Variants in CERS6 observed in about 807,000 individuals in gnomAD.
CERS6 encodes the protein LAG1 homolog, ceramide synthase 6.
Under a neutral mutation model 56.8 loss-of-function variants are expected in CERS6, and 26 were observed. The observed-to-expected ratio is 0.46, with a 90% CI of 0.34 to 0.63. The LOEUF (loss-of-function observed/expected upper bound fraction) is 0.63. Among genes scored for constraint, CERS6 ranks in the 30% least tolerant of loss-of-function variants. CERS6 has a pLI of 0.01. For missense variants in CERS6, 415 were observed against 467.5 expected, an observed-to-expected ratio of 0.89 and a Z score of 1.04; for synonymous variants, 164 against 173.3, an observed-to-expected ratio of 0.95 and a Z score of 0.42.
chr2:168,519,838 G>A (rs1694947003), intron 1 of CERS6, among the ~76,000 whole-genome samples: 1 of 152,078 alleles, frequency 6.6e-6, no homozygotes. Context: ...CACTGTTGAT[G>A]GGCATCTGGG....
chr2:168,666,439 C>G (rs1044458024), intron 4 of CERS6, among the ~76,000 whole-genome samples: 1 of 152,196 alleles, frequency 6.6e-6, no homozygotes, highest in Non-Finnish European at 1.5e-5. Context: ...TGGCCTCTTT[C>G]ACTTAGTAGT....
intron 8 of CERS6, among the ~76,000 whole-genome samples, chr2:168,733,750 G>A (rs1488031130): frequency 6.6e-6 from 1 of 152,156 alleles, no homozygotes; most frequent in African/African-American, 2.4e-5. Context: ...CATGATGATG[G>A]TAGAGGAGCA....
chr2:168,497,421 GAAAA>G (rs1694492451), intron 1 of CERS6, among the ~76,000 whole-genome samples: 1 of 151,994 alleles, frequency 6.6e-6, no homozygotes, highest in African/African-American at 2.4e-5. Context: ...AGGAAAGAAA[GAAAA>G]GAAAGAAAGA....
intron 3 of CERS6, among the ~76,000 whole-genome samples, chr2:168,623,538 A>G (rs1033934430): frequency 5.3e-5 from 8 of 152,226 alleles, no homozygotes; most frequent in Non-Finnish European, 1.0e-4. Flanking sequence ...GGGACGAGAA[A>G]GAATTTTGTA....
intron 1 of CERS6, among the ~76,000 whole-genome samples, chr2:168,514,758 C>T (rs1694856383): frequency 6.6e-6 from 1 of 152,152 alleles, no homozygotes; most frequent in Admixed American, 6.5e-5. Context: ...AAAATGAGTC[C>T]ATTTCCAGTA....
intron 8 of CERS6, among the ~76,000 whole-genome samples, chr2:168,727,395 A>G (rs1291547952): frequency 6.6e-6 from 1 of 152,090 alleles, no homozygotes; most frequent in African/African-American, 2.4e-5. Context: ...CTAAAAATAC[A>G]TAAATTAGCC....
At chr2:168,538,695 T>A (rs916334700) in intron 1 of CERS6, among the ~76,000 whole-genome samples, 1 of 152,230 alleles carries the variant, frequency 6.6e-6, no homozygotes, top group African/African-American at 2.4e-5. Flanking sequence ...CACTGCAGCA[T>A]CCCCAACACC....
chr2:168,583,238 G>A (rs894865877), intron 3 of CERS6, among the ~76,000 whole-genome samples: 2 of 152,102 alleles, frequency 1.3e-5, no homozygotes, highest in African/African-American at 2.4e-5. Context: ...TGGGGAGGGC[G>A]TCGAGACAGG....
At chr2:168,561,011 G>T (rs771791504) in intron 2 of CERS6, among the ~76,000 whole-genome samples, 181 bp from the exon 3 acceptor site, 2 of 152,080 alleles carry the variant, frequency 1.3e-5, no homozygotes, top group African/African-American at 2.4e-5. Flanking sequence ...TGTCCTAGTG[G>T]TTATTTTTGT....
chr2:168,512,643 A>AT (rs1270659782), intron 1 of CERS6, among the ~76,000 whole-genome samples: 1 of 144,114 alleles, frequency 6.9e-6, no homozygotes, highest in Non-Finnish European at 1.5e-5. Flanking sequence ...CCAATTAATG[A>AT]TTTTTTTCTA....
At chr2:168,587,084 C>T (rs1683561602) in intron 3 of CERS6, among the ~76,000 whole-genome samples, 1 of 152,032 alleles carries the variant, frequency 6.6e-6, no homozygotes, top group Admixed American at 6.6e-5. Flanking sequence ...GGAGCTGAGG[C>T]ATGAGAGTCC....
At chr2:168,663,438 G>A (rs1017627808) in intron 4 of CERS6, among the ~76,000 whole-genome samples, 3 of 151,826 alleles carry the variant, frequency 2.0e-5, no homozygotes, top group Non-Finnish European at 4.4e-5. Flanking sequence ...TTGTAAAGAG[G>A]GGTCTCACTA....
intron 8 of CERS6, among the ~76,000 whole-genome samples, chr2:168,741,404 T>C (rs1374681109): frequency 6.7e-6 from 1 of 150,356 alleles, no homozygotes; most frequent in Non-Finnish European, 1.5e-5. Flanking sequence ...AAGACAAACT[T>C]AGCTAGAAAA....
At chr2:168,612,010 G>A (rs890429164) in intron 3 of CERS6, among the ~76,000 whole-genome samples, 2 of 152,192 alleles carry the variant, frequency 1.3e-5, no homozygotes, top group African/African-American at 2.4e-5. Context: ...TTGGGTGTAC[G>A]TCATAAGCCA....
At chr2:168,512,291 T>G (rs1694802879) in intron 1 of CERS6, among the ~76,000 whole-genome samples, 1 of 152,180 alleles carries the variant, frequency 6.6e-6, no homozygotes, top group Non-Finnish European at 1.5e-5. Flanking sequence ...GTGAATAATC[T>G]TAATATCACT....
At chr2:168,738,191 G>C (rs1683773024) in intron 8 of CERS6, among the ~76,000 whole-genome samples, 1 of 152,182 alleles carries the variant, frequency 6.6e-6, no homozygotes, top group Non-Finnish European at 1.5e-5. Context: ...TTCCCTCTGT[G>C]ACAAATGAAG....
chr2:168,769,827 A>T lies in CERS6; in HGVS notation c.*165A>T. ...CTGCCATGTGTCCTGTCTGTGAATG[A>T]AGAAGAATTACCATTCTCTCTTTGT... On this transcript the variant is annotated 3_prime_UTR_variant, in exon 10 of 10. Coordinates refer to ENST00000305747, the MANE Select transcript of CERS6 (RefSeq NM_203463.3). The T allele has an allele frequency of 4.7e-6, 3 of 643,848 alleles. No individual in the cohort carries two copies. Among genetic ancestry groups the T allele is most frequent in the Non-Finnish European group, 7.9e-6 (3 of 381,086 alleles). The allele number at this position is 643,848 out of a possible 1,614,324, so 39.9% of individuals were successfully genotyped here.
chr2:168,456,674 A>C lies in CERS6; in HGVS notation c.170+56A>C, dbSNP rs976171929. ...CCCCTGCGCACACACACGCGCGCACACACTCGCGCGCTCTCTGGCGCACGC... is the reference window on the plus strand; with the variant it reads ...CCCCTGCGCACACACACGCGCGCACCCACTCGCGCGCTCTCTGGCGCACGC... On this transcript the variant is annotated intron_variant, in intron 1 of 9. Transcript: ENST00000305747. The surrounding 1 kb of genome is among the most constrained non-coding windows in gnomAD (Gnocchi z 4.1). 1.3e-6 allele frequency: 2 copies of C among 1,533,102 alleles called. No individual in the cohort carries two copies. The highest frequency in any genetic ancestry group is 1.8e-6 in the Non-Finnish European group (2 of 1,122,196). 95.0% of individuals were successfully genotyped at this position (1,533,102 alleles called of 1,614,324 possible).
At chr2:168,541,171 C>T (rs929576038) in intron 1 of CERS6, among the ~76,000 whole-genome samples, 1 of 152,126 alleles carries the variant, frequency 6.6e-6, no homozygotes, top group Admixed American at 6.5e-5. Flanking sequence ...GCTCACCCAC[C>T]CCTGAGGGAC....
Sources: allele counts gnomAD v4.1 joint callset (sites outside exome capture counted in the v4.1 genomes callset), GRCh38; gene constraint gnomAD v4.1.1; non-coding constraint Gnocchi (gnomAD v3.1); transcripts MANE v1.5; gene names NCBI Gene and HGNC (gene_info 2026-07-23, HGNC 2026-07-21).